Variants in TACC2 observed in about 807,000 individuals in gnomAD.
TACC2 encodes transforming acidic coiled-coil containing protein 2.
TACC2 carries 137 observed loss-of-function variants against 227.3 expected under a neutral mutation model. The ratio of observed to expected loss-of-function variants is 0.60; its 90% confidence interval spans 0.52 to 0.69. The LOEUF (loss-of-function observed/expected upper bound fraction) is 0.69, where lower values mean the gene tolerates loss of function less well. Ranked by LOEUF, TACC2 falls within the 30% of genes least tolerant of loss-of-function variation. TACC2 has a pLI of 0.00. For synonymous variants in TACC2, 1,523 were observed against 1,487.5 expected (o/e 1.02, Z -0.55); for missense variants, 3,470 against 3,694.4 (o/e 0.94, Z 1.57).
intron 16 of TACC2, among the ~76,000 whole-genome samples, chr10:122,234,807 A>G (rs777578444): frequency 6.6e-6 from 1 of 152,182 alleles, no homozygotes; most frequent in Admixed American, 6.5e-5. Flanking sequence ...AGTCATATTT[A>G]GTTTCTGCCC....
At position 122,253,986 on chromosome 10, in the gene TACC2, T is replaced by G. The variant is rs912074408; in HGVS notation, c.8782-5T>G. 1.2e-6 allele frequency: 2 copies of G among 1,613,626 alleles called. No individual in the cohort carries two copies. Among genetic ancestry groups the G allele is most frequent in the Non-Finnish European group, 1.7e-6 (2 of 1,179,652 alleles). On this transcript the variant is annotated splice_polypyrimidine_tract_variant and splice_region_variant and intron_variant, in intron 22 of 22. Transcript: ENST00000369005. The stretch of plus-strand genomic sequence containing the variant: ...CAGCAACTTCTTCCTTGTCTTCACT[T>G]GCAGAATAAAGAAATAGAAGAACTC...
intron 2 of TACC2, among the ~76,000 whole-genome samples, chr10:122,048,998 T>C (rs2075369240): frequency 6.6e-6 from 1 of 152,256 alleles, no homozygotes; most frequent in South Asian, 2.1e-4. Context: ...CTAATGTGCA[T>C]TGTGAATTTC....
At chr10:122,250,922 T>C (rs1173293541) in intron 22 of TACC2, among the ~76,000 whole-genome samples, 1 of 137,026 alleles carries the variant, frequency 7.3e-6, no homozygotes, top group African/African-American at 2.7e-5. Context: ...TTTTTTTTTT[T>C]TTTTTTTTTT....
At chr10:122,122,436 A>G (rs1407157253) in intron 5 of TACC2, among the ~76,000 whole-genome samples, 1 of 152,210 alleles carries the variant, frequency 6.6e-6, no homozygotes, top group Non-Finnish European at 1.5e-5. Flanking sequence ...CATTTAACAA[A>G]GCTCTAAGAT....
chr10:122,084,190 G>A lies in TACC2; in HGVS notation c.1690G>A (p.Val564Met), dbSNP rs774186572. 3.7e-6 allele frequency: 6 copies of A among 1,614,000 alleles called. No homozygotes were observed. Among genetic ancestry groups the A allele is most frequent in the East Asian group, 2.2e-5 (1 of 44,888 alleles). Residue 564 changes from valine to methionine, a missense_variant, in exon 4 of 23, where the codon GTG (valine) becomes ATG (methionine). Transcript: ENST00000369005. Reference sequence around the variant, plus strand: ...CCATGAAGATTCCACAAGCCCAGCCGTGGCTAAAGAAGGAAGCAGATCACC... The same window carrying A: ...CCATGAAGATTCCACAAGCCCAGCCATGGCTAAAGAAGGAAGCAGATCACC... ...KVHEDSTSPAVAKEGSRSPGD... is the reference protein window; with the variant it reads ...KVHEDSTSPAMAKEGSRSPGD...
intron 18 of TACC2, among the ~76,000 whole-genome samples, chr10:122,238,518 G>C (rs535025641): frequency 6.6e-6 from 1 of 152,222 alleles, no homozygotes; most frequent in Admixed American, 6.5e-5. Context: ...CGCCACCTCG[G>C]CTCACTGCAA....
intron 7 of TACC2, among the ~76,000 whole-genome samples, chr10:122,160,659 C>T (rs1028504112): frequency 6.6e-6 from 1 of 152,158 alleles, no homozygotes; most frequent in African/African-American, 2.4e-5. Context: ...TACCATCCCA[C>T]TAGGGATTAG....
intron 6 of TACC2, among the ~76,000 whole-genome samples, chr10:122,139,393 C>G (rs1392598150): frequency 2.0e-5 from 3 of 152,220 alleles, no homozygotes; most frequent in Admixed American, 6.5e-5. Context: ...CCAGAAATAT[C>G]TGGATGTGCC....
intron 5 of TACC2, among the ~76,000 whole-genome samples, chr10:122,121,592 C>G (rs994847526): frequency 2.6e-5 from 4 of 152,178 alleles, no homozygotes; most frequent in Non-Finnish European, 4.4e-5. Context: ...ATGTCTGGGA[C>G]TTTAAAAAAT....
chr10:122,073,127 ATATAT>A lies in TACC2; in HGVS notation c.147-9519_147-9515del, dbSNP rs1444320816. 4.4e-3 allele frequency among the ~76,000 whole-genome samples: 222 copies of A among 50,570 alleles called. 1 individual carries two copies. Among genetic ancestry groups the A allele is most frequent in the African/African-American group, 0.01 (132 of 12,876 alleles). The allele number at this position is 50,570 out of a possible 152,430, so 33.2% of individuals were successfully genotyped here. ...GTCTCAAAAAAAAAAAAAAAAAAAA[ATATAT>A]ATATATATATATATATATATACACA... On this transcript the variant is annotated intron_variant, in intron 3 of 22. Coordinates refer to ENST00000369005, the MANE Select transcript of TACC2 (RefSeq NM_206862.4).
chr10:122,166,793 G>A (rs2093188403), intron 7 of TACC2, among the ~76,000 whole-genome samples: 1 of 152,226 alleles, frequency 6.6e-6, no homozygotes, highest in South Asian at 2.1e-4. Context: ...ATCTGGCAAA[G>A]AAGTTCTTGT....
Position 122,083,184 on chromosome 10 carries a change from A to G in TACC2, c.684A>G (p.Lys228=), listed in dbSNP as rs2079729930. ...DQPGGFESQE[K]EAAGGFPPAE... is the part of the protein sequence containing the mutation. ...CTGGTGGTTTTGAGTCCCAAGAGAA[A>G]GAGGCTGCAGGTGGCTTTCCCCCTG... Residue 228 remains lysine (K), a synonymous_variant, in exon 4 of 23, where the codon AAA becomes AAG. Transcript: ENST00000369005. The G allele has an allele frequency of 1.9e-6, 3 of 1,613,358 alleles. No individual in the cohort carries two copies. Among genetic ancestry groups the G allele is most frequent in the Non-Finnish European group, 2.5e-6 (3 of 1,180,006 alleles).
chr10:122,055,246 G>C (rs2076110355), intron 3 of TACC2, among the ~76,000 whole-genome samples: 1 of 152,088 alleles, frequency 6.6e-6, no homozygotes, highest in African/African-American at 2.4e-5. Flanking sequence ...AAAAAGTGAA[G>C]AAGGGTGACG....
rs1382353255 is a variant in TACC2 at position 122,215,441 on chromosome 10, C to T, written c.7334C>T (p.Pro2445Leu). The change falls in exon 10 of 23, where the codon CCA (proline) becomes CTA (leucine). Residue 2445 changes from proline (P) to leucine (L), a missense_variant. Physicochemically the swap from Pro to Leu is moderately conservative, Grantham distance 98. Around this residue, in one of 10 missense-constraint regions of TACC2, gnomAD observed 593 missense variants for 636.6 expected, o/e 0.93. Coordinates refer to ENST00000369005, the MANE Select transcript of TACC2 (RefSeq NM_206862.4). ...KSPKRSPLSD[P>L]PSQDPTPAAT... ...CCAAAACGGTCTCCTCTCTCTGATC[C>T]ACCTTCCCAGGTACAGTGTTCCTTT... 3 of 1,613,784 alleles carry T rather than the reference C, an allele frequency of 1.9e-6. No individual in the cohort carries two copies. Among genetic ancestry groups the T allele is most frequent in the African/African-American group, 2.7e-5 (2 of 74,878 alleles).
intron 3 of TACC2, among the ~76,000 whole-genome samples, chr10:122,054,754 C>T (rs563766176): frequency 1.3e-5 from 2 of 152,094 alleles, no homozygotes; most frequent in Admixed American, 6.6e-5. Flanking sequence ...GAATTCCCGG[C>T]GCCTTTGGTT....
chr10:122,254,134 G>A lies in TACC2; in HGVS notation c.*78G>A, dbSNP rs1282865623. 8.2e-7 allele frequency: 1 copy of A among 1,224,194 alleles called. No homozygotes were observed. The highest frequency in any genetic ancestry group is 1.2e-6 in the Non-Finnish European group (1 of 824,424). 75.8% of individuals were successfully genotyped at this position (1,224,194 alleles called of 1,614,324 possible). ...ACACTGCTGTTCCTCCAGTTCCATG[G>A]ACAGGTTCTGTTTTCACTTTTTCGT... On this transcript the variant is annotated 3_prime_UTR_variant, in exon 23 of 23. Coordinates refer to ENST00000369005, the MANE Select transcript of TACC2 (RefSeq NM_206862.4).
At chr10:122,190,159 T>C (rs773564384) in intron 7 of TACC2, among the ~76,000 whole-genome samples, 1 of 152,266 alleles carries the variant, frequency 6.6e-6, no homozygotes, top group Non-Finnish European at 1.5e-5. Flanking sequence ...GTGTATATTA[T>C]GTATGTGTGT....
At chr10:122,053,654 C>T (rs188592272) in intron 3 of TACC2, among the ~76,000 whole-genome samples, 59 of 152,252 alleles carry the variant, frequency 3.9e-4, no homozygotes, top group African/African-American at 1.3e-3. Flanking sequence ...ACCGCTTCCT[C>T]GAGCACCCTC....
At chr10:122,116,596 G>A (rs1275922686) in intron 5 of TACC2, among the ~76,000 whole-genome samples, 1 of 152,208 alleles carries the variant, frequency 6.6e-6, no homozygotes, top group Non-Finnish European at 1.5e-5. Flanking sequence ...GGGGAGGCCA[G>A]TGAAGTCATG....
Sources: allele counts gnomAD v4.1 joint callset (sites outside exome capture counted in the v4.1 genomes callset), GRCh38; gene constraint gnomAD v4.1.1; regional missense constraint gnomAD v4.1.1; transcripts MANE v1.5; gene names NCBI Gene and HGNC (gene_info 2026-07-23, HGNC 2026-07-21).